RYR3: variants seen among roughly 807,000 people sequenced by gnomAD.
The protein encoded by RYR3 is brain ryanodine receptor-calcium release channel.
Under a neutral mutation model 584.3 loss-of-function variants are expected in RYR3, and 207 were observed. That is an observed-to-expected ratio of 0.35 (90% CI 0.32 to 0.40). The LOEUF is 0.40. Among genes scored for constraint, RYR3 ranks in the 10% least tolerant of loss-of-function variants. RYR3 has a pLI of 1.00. For missense variants in RYR3, 5,616 were observed against 6,089.2 expected (o/e 0.92, Z 2.59); for synonymous variants, 2,416 against 2,248.5 (o/e 1.07, Z -2.11).
At chr15:33,651,671 A>G (rs961998003) in intron 31 of RYR3, among the ~76,000 whole-genome samples, 1 of 152,228 alleles carries the variant, frequency 6.6e-6, no homozygotes, top group African/African-American at 2.4e-5. Context: ...CAAATGTACT[A>G]TCCCTGCCCC....
chr15:33,660,810 C>A (rs1379936048), intron 34 of RYR3, among the ~76,000 whole-genome samples: 2 of 152,182 alleles, frequency 1.3e-5, no homozygotes, highest in Non-Finnish European at 2.9e-5. Context: ...TTAATTATGG[C>A]TGGGGTTCAA....
intron 1 of RYR3, among the ~76,000 whole-genome samples, chr15:33,419,464 C>T (rs558993343): frequency 6.6e-5 from 10 of 152,194 alleles, no homozygotes; most frequent in South Asian, 2.1e-4. Flanking sequence ...TGCCTCTAAT[C>T]GTAAACTTTT....
intron 47 of RYR3, among the ~76,000 whole-genome samples, chr15:33,729,747 A>G (rs1282227262): frequency 1.3e-5 from 2 of 152,108 alleles, no homozygotes; most frequent in Non-Finnish European, 2.9e-5. Context: ...GTCCAAGGAG[A>G]AAAGACAAAC....
intron 64 of RYR3, 117 bp downstream of exon 64, chr15:33,773,732 G>A (rs1459956697): frequency 1.5e-5 from 11 of 721,486 alleles, no homozygotes; most frequent in African/African-American, 1.7e-5. Context: ...CACTGATACA[G>A]AATGGTGGTT....
At chr15:33,610,447 T>C (rs2060124171) in intron 18 of RYR3, among the ~76,000 whole-genome samples, 1 of 152,182 alleles carries the variant, frequency 6.6e-6, no homozygotes. Context: ...AGTTGGGTCT[T>C]CTGTCTTTGA....
intron 64 of RYR3, among the ~76,000 whole-genome samples, chr15:33,775,460 T>A (rs936078047): frequency 2.0e-5 from 3 of 152,174 alleles, no homozygotes; most frequent in African/African-American, 7.2e-5. Context: ...GCCGTGTGTT[T>A]AGCCCTAGCA....
intron 29 of RYR3, among the ~76,000 whole-genome samples, chr15:33,647,038 T>C (rs2062140924): frequency 6.6e-6 from 1 of 152,240 alleles, no homozygotes; most frequent in South Asian, 2.1e-4. Flanking sequence ...TTGATGTATG[T>C]CTGCTGCCTG....
intron 65 of RYR3, among the ~76,000 whole-genome samples, chr15:33,784,909 C>T (rs1479972184): frequency 6.6e-6 from 1 of 152,204 alleles, no homozygotes; most frequent in Non-Finnish European, 1.5e-5. Flanking sequence ...ATATTGAACT[C>T]TGTCTGTTGA....
At chr15:33,503,509 A>T (rs2572204) in intron 2 of RYR3, 122 bp from the exon 3 acceptor site, 10 of 621,816 alleles carry the variant, frequency 1.6e-5, no homozygotes, top group Admixed American at 8.7e-5. Flanking sequence ...ACCTTTTTGC[A>T]TTCCTATTCA....
chr15:33,437,110 GAGAT>G (rs997019997), intron 1 of RYR3, among the ~76,000 whole-genome samples: 12 of 136,962 alleles, frequency 8.8e-5, no homozygotes, highest in Non-Finnish European at 1.8e-4. Flanking sequence ...GTGAGAGAGA[GAGAT>G]AGAGTGTGTG....
rs746520018 is a variant in RYR3, at chr15:33,786,032, G to A, written c.9589+50G>A. On this transcript the variant is annotated intron_variant, in intron 66 of 103. Coordinates refer to ENST00000634891, the MANE Select transcript of RYR3 (RefSeq NM_001036.6). ...CCCAGCCCAGGGGCCAAGATAACTG[G>A]ATTCTTTTTTCATCTCTATTATTAA... 14 of 1,405,558 alleles carry A rather than the reference G, an allele frequency of 1.0e-5. No homozygotes were observed. In the South Asian group the frequency reaches 2.0e-4, roughly 20 times the overall value. The allele number at this position is 1,405,558 out of a possible 1,614,324, so 87.1% of individuals were successfully genotyped here.
intron 1 of RYR3, among the ~76,000 whole-genome samples, chr15:33,369,827 TC>T (rs1000948471): frequency 3.9e-5 from 6 of 152,220 alleles, no homozygotes; most frequent in Admixed American, 3.3e-4. Context: ...GCTGTCACAT[TC>T]TGCCTTATGT....
At position 33,724,075 on chromosome 15, in the gene RYR3, G is replaced by A; in HGVS notation, c.6811G>A (p.Asp2271Asn). Residue 2271 changes from aspartate to asparagine, a missense_variant, in exon 45 of 104, where the codon GAC becomes AAC. Physicochemically the swap from Asp to Asn is conservative, Grantham distance 23. Around this residue, in one of 9 missense-constraint regions of RYR3, gnomAD observed 1,280 missense variants for 1,426.2 expected, o/e 0.90. Coordinates refer to ENST00000634891, the MANE Select transcript of RYR3 (RefSeq NM_001036.6). Reference sequence around the variant, plus strand: ...TGTTGGTTCTCTCAGCAGCACGGGGGACGATGAAGAGGAAGAAGAAATCGT... The same window carrying A: ...TGTTGGTTCTCTCAGCAGCACGGGGAACGATGAAGAGGAAGAAGAAATCGT... ...QGYKREVSTG[D>N]DEEEEEIVHM... The A allele has an allele frequency of 6.2e-7, 1 of 1,605,938 alleles. No individual in the cohort carries two copies.
chr15:33,533,147 G>A (rs980145080), intron 4 of RYR3, among the ~76,000 whole-genome samples, 164 bp from the exon 5 acceptor site: 2 of 152,072 alleles, frequency 1.3e-5, no homozygotes, highest in Admixed American at 6.6e-5. Context: ...AAAAATGAAA[G>A]TATTGTATTA....
At chr15:33,482,032 G>A (rs2050019622) in intron 2 of RYR3, among the ~76,000 whole-genome samples, 1 of 151,914 alleles carries the variant, frequency 6.6e-6, no homozygotes. Context: ...CATTTTCAGT[G>A]CTCTTTTTTT....
intron 60 of RYR3, among the ~76,000 whole-genome samples, chr15:33,758,733 G>C (rs1057081374): frequency 3.9e-5 from 6 of 152,124 alleles, no homozygotes; most frequent in Admixed American, 2.6e-4. Flanking sequence ...AGACTTAAAA[G>C]TTCCTGCCTG....
At chr15:33,744,262 C>A (rs185405102) in intron 52 of RYR3, among the ~76,000 whole-genome samples, 14 of 152,242 alleles carry the variant, frequency 9.2e-5, no homozygotes, top group African/African-American at 2.9e-4. Flanking sequence ...ATAGTACTTT[C>A]GTAGCACGCT....
chr15:33,800,909 C>T (rs1251813512), intron 68 of RYR3, 52 bp downstream of exon 68: 27 of 1,273,658 alleles, frequency 2.1e-5, no homozygotes, highest in Admixed American at 1.2e-4. Context: ...AGCTGCAGAC[C>T]GTGGAAAACT....
intron 3 of RYR3, among the ~76,000 whole-genome samples, chr15:33,524,336 C>A (rs2054238053): frequency 6.6e-6 from 1 of 152,206 alleles, no homozygotes; most frequent in Non-Finnish European, 1.5e-5. Flanking sequence ...TTCTGTGTTT[C>A]CACATAACCT....
Sources: gnomAD v4.1 joint callset for allele counts (sites outside exome capture counted in the v4.1 genomes callset) on GRCh38, gnomAD v4.1.1 for gene constraint, gnomAD v4.1.1 regional missense constraint, MANE v1.5 for transcripts, NCBI Gene and HGNC (gene_info 2026-07-23, HGNC 2026-07-21) for gene names.